PPP2R3A: variants seen among roughly 807,000 people sequenced by gnomAD.
PPP2R3A encodes serine/threonine-protein phosphatase 2A regulatory subunit B'' subunit alpha.
A neutral mutation model predicts 106.9 loss-of-function variants in PPP2R3A; 80 were observed. The ratio of observed to expected loss-of-function variants is 0.75; its 90% CI spans 0.62 to 0.90. The LOEUF is 0.90. Among genes scored for constraint, PPP2R3A ranks in the 40% least tolerant of loss-of-function variants. The pLI is 0.00. For synonymous variants in PPP2R3A, 483 were observed against 468.3 expected (o/e 1.03, Z -0.41); for missense variants, 1,386 against 1,350.4 (o/e 1.03, Z -0.41).
chr3:136,137,047 C>T (rs1403687785), intron 13 of PPP2R3A, among the ~76,000 whole-genome samples: 1 of 152,168 alleles, frequency 6.6e-6, no homozygotes, highest in Non-Finnish European at 1.5e-5. Context: ...GTACCAGTTA[C>T]TTAATCCAAG....
chr3:135,991,259 CTG>C (rs1470014345), intron 1 of PPP2R3A, among the ~76,000 whole-genome samples: 1 of 152,128 alleles, frequency 6.6e-6, no homozygotes, highest in East Asian at 1.9e-4. Flanking sequence ...GTTTATTAAA[CTG>C]TGTTGTAAAA....
In PPP2R3A at chr3:136,054,929, AT is replaced by A. The variant is rs1339560940; in HGVS notation, c.2469+5571del. Among the ~76,000 whole-genome samples, 8 of 152,338 alleles carry A rather than the reference AT, an allele frequency of 5.3e-5. No individual in the cohort carries two copies. In the East Asian group the frequency reaches 1.5e-3, roughly 29 times the overall value. On this transcript the variant is annotated intron_variant, in intron 5 of 13. Transcript: ENST00000264977. ...TCGGTTGTAGGGATATAGATATCTC[AT>A]TTGAGTTCTCTGAGTTTTTTATCTT... is the stretch of plus-strand genomic sequence containing the variant.
At chr3:136,003,617 G>A (rs1576426903) in intron 2 of PPP2R3A, 124 bp downstream of exon 2, 3 of 774,026 alleles carry the variant, frequency 3.9e-6, no homozygotes, top group East Asian at 2.8e-5. Flanking sequence ...CCTACACTAG[G>A]AATGATCTCA....
intron 5 of PPP2R3A, among the ~76,000 whole-genome samples, chr3:136,070,214 A>G (rs915194568): frequency 2.0e-5 from 3 of 152,224 alleles, no homozygotes; most frequent in Non-Finnish European, 2.9e-5. Flanking sequence ...TACAGTACAT[A>G]CCTCGGAGAC....
intron 13 of PPP2R3A, among the ~76,000 whole-genome samples, chr3:136,108,102 A>G (rs1361146442): frequency 6.6e-6 from 1 of 152,066 alleles, no homozygotes; most frequent in African/African-American, 2.4e-5. Flanking sequence ...AGTCCCAGCT[A>G]CTCAGGAGGC....
intron 4 of PPP2R3A, among the ~76,000 whole-genome samples, chr3:136,047,892 G>A (rs543098719): frequency 6.6e-6 from 1 of 150,862 alleles, no homozygotes; most frequent in Admixed American, 6.6e-5. Context: ...GCAACAGAGC[G>A]AGACTCCGTC....
chr3:136,019,367 C>T (rs973910825), intron 2 of PPP2R3A, among the ~76,000 whole-genome samples: 1 of 152,164 alleles, frequency 6.6e-6, no homozygotes, highest in Admixed American at 6.6e-5. Flanking sequence ...TTATGATTCT[C>T]TATTTTTCCT....
At chr3:135,987,288 C>A (rs1484987459) in intron 1 of PPP2R3A, among the ~76,000 whole-genome samples, 1 of 152,066 alleles carries the variant, frequency 6.6e-6, no homozygotes, top group Non-Finnish European at 1.5e-5. Flanking sequence ...GTAACATAAC[C>A]AGAGTATCAG....
intron 1 of PPP2R3A, among the ~76,000 whole-genome samples, chr3:135,992,603 TC>T (rs1933220541): frequency 1.3e-5 from 2 of 152,262 alleles, no homozygotes; most frequent in Non-Finnish European, 1.5e-5. Flanking sequence ...CCCAAATTTC[TC>T]CATGAAATTA....
At chr3:136,114,104 G>A (rs1337898988) in intron 13 of PPP2R3A, among the ~76,000 whole-genome samples, 1 of 152,156 alleles carries the variant, frequency 6.6e-6, no homozygotes, top group African/African-American at 2.4e-5. Flanking sequence ...AGTAGGTGCA[G>A]CCCATGGAGG....
intron 5 of PPP2R3A, among the ~76,000 whole-genome samples, chr3:136,051,565 G>A (rs1267008233): frequency 7.9e-5 from 12 of 151,972 alleles, no homozygotes; most frequent in Admixed American, 1.3e-4. Context: ...CCTGACCTCC[G>A]GTGATCCACC....
At chr3:136,059,366 T>C (rs539442889) in intron 5 of PPP2R3A, among the ~76,000 whole-genome samples, 10 of 151,634 alleles carry the variant, frequency 6.6e-5, no homozygotes, top group African/African-American at 2.4e-4. Context: ...TGGCCAACGA[T>C]CATATGAAAA....
chr3:136,087,999 C>T, intron 9 of PPP2R3A, 68 bp downstream of exon 9: 1 of 1,370,772 alleles, frequency 7.3e-7, no homozygotes, highest in Non-Finnish European at 1.0e-6. Flanking sequence ...CTCATTTTAG[C>T]AAAGCTTCCT....
At chr3:136,116,520 G>A (rs1937767745) in intron 13 of PPP2R3A, among the ~76,000 whole-genome samples, 1 of 152,166 alleles carries the variant, frequency 6.6e-6, no homozygotes, top group Non-Finnish European at 1.5e-5. Context: ...GACACATATA[G>A]GCTCAAAAGT....
intron 2 of PPP2R3A, among the ~76,000 whole-genome samples, chr3:136,017,113 ATTGT>A (rs951036956): frequency 9.9e-5 from 15 of 152,166 alleles, no homozygotes; most frequent in African/African-American, 3.1e-4. Context: ...TTGGTTGATA[ATTGT>A]TTGTTTAAGG....
intron 3 of PPP2R3A, among the ~76,000 whole-genome samples, chr3:136,038,809 T>C (rs1294637168): frequency 6.6e-6 from 1 of 152,210 alleles, no homozygotes; most frequent in East Asian, 1.9e-4. Flanking sequence ...AGCCAGAGTA[T>C]ATTAATTGTG....
chr3:135,969,014 T>C (rs1280448225), intron 1 of PPP2R3A, among the ~76,000 whole-genome samples: 1 of 152,212 alleles, frequency 6.6e-6, no homozygotes, highest in Admixed American at 6.5e-5. Context: ...ACGAATATGC[T>C]GTTTCATATG....
intron 13 of PPP2R3A, among the ~76,000 whole-genome samples, chr3:136,138,525 A>C (rs548730755): frequency 6.6e-6 from 1 of 152,266 alleles, no homozygotes; most frequent in South Asian, 2.1e-4. Context: ...TTTTCTGGTC[A>C]CTGGATGGGT....
At chr3:136,092,822 T>C (rs1272577931) in intron 10 of PPP2R3A, among the ~76,000 whole-genome samples, 1 of 152,178 alleles carries the variant, frequency 6.6e-6, no homozygotes, top group Admixed American at 6.5e-5. Flanking sequence ...CAACTGGATA[T>C]CATACAAAAT....
Sources: gnomAD v4.1 joint callset for allele counts (sites outside exome capture counted in the v4.1 genomes callset) on GRCh38, gnomAD v4.1.1 for gene constraint, MANE v1.5 for transcripts, NCBI Gene and HGNC (gene_info 2026-07-23, HGNC 2026-07-21) for gene names.